The following SYNPR variants were observed in gnomAD, a reference collection of about 807,000 sequenced individuals.
SYNPR encodes the protein synaptoporin.
SYNPR carries 23 observed loss-of-function variants against 32.9 expected under a neutral mutation model. The ratio of observed to expected loss-of-function variants is 0.70; its 90% confidence interval spans 0.50 to 0.99. The LOEUF (loss-of-function observed/expected upper bound fraction) is 0.99, where lower values mean the gene tolerates loss of function less well. SYNPR is among the 50% of genes least tolerant of loss of function. SYNPR has a pLI of 0.00. For synonymous variants in SYNPR, 146 were observed against 135.9 expected (o/e 1.07, Z -0.52); for missense variants, 318 against 349.3 (o/e 0.91, Z 0.71).
chr3:63,236,195 G>T (rs1445319085), intron 1 of SYNPR, among the ~76,000 whole-genome samples: 2 of 151,628 alleles, frequency 1.3e-5, no homozygotes, highest in African/African-American at 2.4e-5. Context: ...TTTTGTACGG[G>T]TATAGATCTG....
chr3:63,533,720 A>G (rs1702151311), intron 3 of SYNPR, among the ~76,000 whole-genome samples: 1 of 152,206 alleles, frequency 6.6e-6, no homozygotes, highest in Non-Finnish European at 1.5e-5. Context: ...TGTTATAGGC[A>G]TGATTCAACT....
intron 4 of SYNPR, among the ~76,000 whole-genome samples, chr3:63,603,556 G>A (rs1258070849): frequency 6.6e-6 from 1 of 152,144 alleles, no homozygotes; most frequent in Non-Finnish European, 1.5e-5. Context: ...AACATGAAGG[G>A]AAGTTGAATT....
intron 2 of SYNPR, among the ~76,000 whole-genome samples, chr3:63,375,140 A>T (rs2087871158): frequency 6.6e-6 from 1 of 152,184 alleles, no homozygotes; most frequent in South Asian, 2.1e-4. Flanking sequence ...AAATTAGTTT[A>T]ACCATTGTGG....
intron 4 of SYNPR, among the ~76,000 whole-genome samples, chr3:63,602,608 T>C (rs1700061720): frequency 6.6e-6 from 1 of 152,226 alleles, no homozygotes; most frequent in Non-Finnish European, 1.5e-5. Flanking sequence ...AGGGAGTTCT[T>C]TCCTCATTCC....
intron 2 of SYNPR, among the ~76,000 whole-genome samples, chr3:63,463,896 A>AT (rs913628510): frequency 1.3e-5 from 2 of 152,112 alleles, no homozygotes; most frequent in Admixed American, 6.5e-5. Context: ...TTATTTATCT[A>AT]TTTTTTTGTA....
At chr3:63,448,338 C>T (rs1252698155) in intron 2 of SYNPR, among the ~76,000 whole-genome samples, 2 of 152,314 alleles carry the variant, frequency 1.3e-5, no homozygotes, top group African/African-American at 2.4e-5. Context: ...AATTACCACA[C>T]CTTGTCTCAA....
At chr3:63,387,579 A>C (rs186493646) in intron 2 of SYNPR, among the ~76,000 whole-genome samples, 1 of 152,340 alleles carries the variant, frequency 6.6e-6, no homozygotes, top group East Asian at 1.9e-4. Context: ...AAAACAAAAA[A>C]TCCTCTTTCA....
At chr3:63,488,373 G>T (rs1701195801) in intron 3 of SYNPR, among the ~76,000 whole-genome samples, 1 of 152,172 alleles carries the variant, frequency 6.6e-6, no homozygotes, top group South Asian at 2.1e-4. Context: ...GATGAGACCT[G>T]ATGGTGTTAT....
intron 2 of SYNPR, among the ~76,000 whole-genome samples, chr3:63,282,257 A>G (rs6802968): frequency 0.031 from 4,760 of 152,254 alleles, 224 homozygotes; most frequent in African/African-American, 0.11. Flanking sequence ...ACATGTTCTC[A>G]TGTTTCTTTT....
intron 4 of SYNPR, among the ~76,000 whole-genome samples, chr3:63,561,756 G>A (rs1271792610): frequency 6.6e-6 from 1 of 152,072 alleles, no homozygotes; most frequent in African/African-American, 2.4e-5. Flanking sequence ...TTTTAAAATG[G>A]CCAGGATAAA....
At chr3:63,405,988 A>G (rs2107108304) in intron 2 of SYNPR, among the ~76,000 whole-genome samples, 1 of 152,244 alleles carries the variant, frequency 6.6e-6, no homozygotes, top group East Asian at 1.9e-4. Flanking sequence ...AGATGGGTAT[A>G]TTCAGTTTAT....
chr3:63,443,166 T>A, intron 2 of SYNPR: 7 of 1,196,780 alleles, frequency 5.8e-6, no homozygotes, highest in Non-Finnish European at 7.3e-6. Context: ...GCAGGCAGCG[T>A]TCACCAGAGG....
rs148376274 is a variant in SYNPR, at chr3:63,451,327, C to T, written c.85-29505C>T. On this transcript the variant is annotated intron_variant, in intron 2 of 5. Coordinates refer to ENST00000478300, the MANE Select transcript of SYNPR (RefSeq NM_001130003.2). ...CATTTCCCCAGTCTACCAGGAAACT[C>T]ACTGCAGTTATGGGATGGGTTTAAA... 5.3e-3 allele frequency among the ~76,000 whole-genome samples: 809 copies of T among 152,212 alleles called. 6 individuals are homozygous for T. The highest frequency in any genetic ancestry group is 0.018 in the African/African-American group (765 of 41,532).
intron 4 of SYNPR, among the ~76,000 whole-genome samples, chr3:63,577,188 G>A (rs1575720026): frequency 1.3e-5 from 2 of 152,308 alleles, no homozygotes; most frequent in East Asian, 3.9e-4. Flanking sequence ...AGCAGCATGT[G>A]GCTGGGTAAA....
intron 1 of SYNPR, among the ~76,000 whole-genome samples, chr3:63,234,170 G>T (rs148864608): frequency 2.6e-5 from 4 of 152,104 alleles, no homozygotes. Context: ...AGCAAGTCAC[G>T]TCTTACATGG....
At chr3:63,495,521 T>G (rs1189104205) in intron 3 of SYNPR, among the ~76,000 whole-genome samples, 3 of 152,196 alleles carry the variant, frequency 2.0e-5, no homozygotes, top group African/African-American at 7.2e-5. Context: ...CCTTTTGGCA[T>G]CTTTAGAAAT....
intron 2 of SYNPR, among the ~76,000 whole-genome samples, chr3:63,291,937 C>T (rs1323207330): frequency 6.6e-6 from 1 of 152,092 alleles, no homozygotes; most frequent in Non-Finnish European, 1.5e-5. Flanking sequence ...ATCGTGCATA[C>T]ACCATAGAGT....
At chr3:63,436,486 T>C (rs1224216462) in intron 2 of SYNPR, among the ~76,000 whole-genome samples, 1 of 152,166 alleles carries the variant, frequency 6.6e-6, no homozygotes. Flanking sequence ...TTAGCTGTGA[T>C]ATGTAAAACC....
intron 2 of SYNPR, among the ~76,000 whole-genome samples, chr3:63,362,043 G>A (rs2087668849): frequency 6.6e-6 from 1 of 152,070 alleles, no homozygotes; most frequent in Non-Finnish European, 1.5e-5. Flanking sequence ...GCCAGTTATG[G>A]CCAATAAAAT....
Sources: allele counts gnomAD v4.1 joint callset (sites outside exome capture counted in the v4.1 genomes callset), GRCh38; gene constraint gnomAD v4.1.1; transcripts MANE v1.5; gene names NCBI Gene and HGNC (gene_info 2026-07-23, HGNC 2026-07-21).